ZNF490: variants seen among roughly 807,000 people sequenced by gnomAD.
ZNF490 encodes the protein zinc finger protein 490.
Under a neutral mutation model 17.7 loss-of-function variants are expected in ZNF490, and 11 were observed. The observed-to-expected ratio is 0.62, with a 90% CI of 0.39 to 1.03. ZNF490 has a LOEUF of 1.03. Among genes scored for constraint, ZNF490 ranks in the 50% least tolerant of loss-of-function variants. The pLI, the probability that ZNF490 is intolerant of heterozygous loss-of-function variation, is 0.00. For synonymous variants in ZNF490, 222 were observed against 216.1 expected (o/e 1.03, Z -0.24); for missense variants, 542 against 643.4 (o/e 0.84, Z 1.71).
Position 12,580,894 on chromosome 19 carries a change from T to C in ZNF490, c.1181A>G (p.Gln394Arg), listed in dbSNP as rs2022722056. Residue 394 changes from glutamine to arginine, a missense_variant, in exon 5 of 5, where the codon CAA becomes CGA. Coordinates refer to ENST00000311437, the MANE Select transcript of ZNF490 (RefSeq NM_020714.3). ...HFGEKPYECK[Q>R]CGKAFNSSSY... ...TGAAGAATTGAAGGCTTTACCACAT[T>C]GTTTACATTCATAGGGTTTTTCTCC... 5 of 1,614,190 alleles carry C rather than the reference T, an allele frequency of 3.1e-6. No homozygotes were observed. The highest frequency in any genetic ancestry group is 4.2e-6 in the Non-Finnish European group (5 of 1,180,018).
intron 2 of ZNF490, among the ~76,000 whole-genome samples, chr19:12,596,529 T>C (rs2022936061): frequency 6.6e-6 from 1 of 151,826 alleles, no homozygotes; most frequent in Non-Finnish European, 1.5e-5. Flanking sequence ...AATAAAAATT[T>C]GAAATTAGCC....
chr19:12,599,633 T>C (rs2022977638), intron 2 of ZNF490, among the ~76,000 whole-genome samples: 6 of 152,190 alleles, frequency 3.9e-5, no homozygotes, highest in Admixed American at 3.9e-4. Context: ...AAGTAAAAGT[T>C]GCTAAGAATC....
chr19:12,599,139 C>CAAAAA (rs55911311), intron 2 of ZNF490, among the ~76,000 whole-genome samples: 44 of 68,598 alleles, frequency 6.4e-4, no homozygotes, highest in Middle Eastern at 9.4e-3. Context: ...GACTCTGTCT[C>CAAAAA]AAAAAAAAAA....
Position 12,580,154 on chromosome 19 carries a change from T to C in ZNF490, c.*331A>G. On this transcript the variant is annotated 3_prime_UTR_variant, in exon 5 of 5. Coordinates refer to ENST00000311437, the MANE Select transcript of ZNF490 (RefSeq NM_020714.3). Reference sequence around the variant, plus strand: ...CAAACCCCACAAAAGATGGGATGGATATAGAATTTTCTTTATAGTTTCTCT... The same window carrying C: ...CAAACCCCACAAAAGATGGGATGGACATAGAATTTTCTTTATAGTTTCTCT... 9.5e-7 allele frequency: 1 copy of C among 1,049,906 alleles called. No individual in the cohort carries two copies. The highest frequency in any genetic ancestry group is 1.1e-6 in the Non-Finnish European group (1 of 871,706). The allele number at this position is 1,049,906 out of a possible 1,614,324, so 65.0% of individuals were successfully genotyped here.
intron 3 of ZNF490, among the ~76,000 whole-genome samples, chr19:12,583,126 C>G (rs553187551): frequency 6.6e-6 from 1 of 151,558 alleles, no homozygotes; most frequent in Non-Finnish European, 1.5e-5. Context: ...ACTGCAACCT[C>G]GGCCTCCCGG....
rs140333364 is a variant in ZNF490 at position 12,581,004 on chromosome 19, G to A, written c.1071C>T (p.Thr357=). ...SSLRKHVKTH[T]GVQPYTCKKC... is the part of the protein sequence containing the mutation. ...TCTTACATGTATAAGGTTGAACTCC[G>A]GTGTGGGTTTTCACGTGTTTTCGAA... The change falls in exon 5 of 5, where the codon ACC becomes ACT. Residue 357 remains threonine (T), a synonymous_variant. Transcript: ENST00000311437. The A allele has an allele frequency of 2.0e-5, 33 of 1,614,148 alleles. No individual in the cohort carries two copies. Among genetic ancestry groups the A allele is most frequent in the South Asian group, 9.9e-5 (9 of 91,080 alleles).
chr19:12,595,148 T>TC (rs200599766), intron 2 of ZNF490, among the ~76,000 whole-genome samples: 3 of 149,280 alleles, frequency 2.0e-5, no homozygotes, highest in East Asian at 3.9e-4. Flanking sequence ...TTTCTCTCTC[T>TC]TTTTTTTTTT....
In ZNF490 at chr19:12,584,990, T is replaced by A. The variant is rs1182002797; in HGVS notation, c.163-1434A>T. On this transcript the variant is annotated intron_variant, in intron 2 of 4. Coordinates refer to ENST00000311437, the MANE Select transcript of ZNF490 (RefSeq NM_020714.3). ...CCCTGTACTCATGAAGGTTTATTAC[T>A]CGCATGCTTGAGCTCTCAGGCAAAG... Among the ~76,000 whole-genome samples the A allele has an allele frequency of 2.1e-5, 2 of 94,312 alleles. 1 individual carries two copies. Among genetic ancestry groups the A allele is most frequent in the Non-Finnish European group, 5.7e-5 (2 of 35,084 alleles). 61.9% of individuals were successfully genotyped at this position (94,312 alleles called of 152,430 possible). A position where few individuals can be genotyped will look rare whatever the true frequency, so the allele number is the denominator to read the frequency against.
rs749210086 is a variant in ZNF490, at chr19:12,580,785, G to A, written c.1290C>T (p.Ser430=). 89 of 1,613,964 alleles carry A rather than the reference G, an allele frequency of 5.5e-5. 1 individual carries two copies. The highest frequency in any genetic ancestry group is 7.4e-5 in the Non-Finnish European group (87 of 1,180,044). ...TTCTTTCATGGATTCGAAAGTGAGT[G>A]GAATAAAGAAAGGCTTTACCACATT... The part of the protein sequence containing the change: ...CKECGKAFLY[S]THFRIHERTH... The change falls in exon 5 of 5, where the codon TCC becomes TCT. Residue 430 remains serine (S), a synonymous_variant. Transcript: ENST00000311437.
chr19:12,602,807 G>A (rs1414373509), intron 2 of ZNF490, among the ~76,000 whole-genome samples: 1 of 151,598 alleles, frequency 6.6e-6, no homozygotes, highest in East Asian at 1.9e-4. Context: ...TGTATTTTTA[G>A]TAGAAACAAG....
intron 4 of ZNF490, among the ~76,000 whole-genome samples, chr19:12,582,489 G>A (rs2022750736): frequency 6.6e-6 from 1 of 151,962 alleles, no homozygotes; most frequent in Non-Finnish European, 1.5e-5. Context: ...CCACCTCCCA[G>A]GTTCAAGCGA....
chr19:12,600,232 T>TG (rs2022986047), intron 2 of ZNF490, among the ~76,000 whole-genome samples: 1 of 150,902 alleles, frequency 6.6e-6, no homozygotes, highest in Admixed American at 6.6e-5. Context: ...CCAGGCATGG[T>TG]GGCGGGCACC....
rs2022663479 is a variant in ZNF490 at position 12,577,670 on chromosome 19, G to C, written c.*2815C>G. ...TGCTCCAGTCGGCCTCTGGACCCTA[G>C]TATCTTCACCGTGGTTTTGGATGCT... is the stretch of plus-strand genomic sequence containing the variant. On this transcript the variant is annotated 3_prime_UTR_variant, in exon 5 of 5. Transcript: ENST00000311437. The C allele has an allele frequency of 1.0e-6, 1 of 985,372 alleles. No homozygotes were observed. The highest frequency in any genetic ancestry group is 1.2e-6 in the Non-Finnish European group (1 of 830,010). 61.0% of individuals were successfully genotyped at this position (985,372 alleles called of 1,614,324 possible).
At chr19:12,609,883 T>G in intron 1 of ZNF490, 1 of 451,520 alleles carries the variant, frequency 2.2e-6, no homozygotes, top group Non-Finnish European at 4.4e-6. Context: ...TTGGGTACAA[T>G]ATACACTCTT....
chr19:12,583,669 T>C (rs2022769477), intron 2 of ZNF490, 113 bp from the exon 3 acceptor site: 7 of 1,137,242 alleles, frequency 6.2e-6, no homozygotes, highest in Non-Finnish European at 8.3e-6. Flanking sequence ...GGTTTAGTGG[T>C]ATAACTTGGT....
chr19:12,602,069 G>C (rs2023012504), intron 2 of ZNF490, among the ~76,000 whole-genome samples: 1 of 112,940 alleles, frequency 8.9e-6, no homozygotes, highest in African/African-American at 3.3e-5. Flanking sequence ...TTGAAACTCA[G>C]TTCACTATAT....
intron 2 of ZNF490, among the ~76,000 whole-genome samples, chr19:12,595,580 T>C (rs965087051): frequency 3.3e-5 from 5 of 152,126 alleles, no homozygotes; most frequent in Non-Finnish European, 5.9e-5. Flanking sequence ...TACCTTAATA[T>C]TTATTAATAT....
rs967829267 is a variant in ZNF490, at chr19:12,577,560, C to T, written c.*2925G>A. ...TCCTGGTGAGAGAAGCGAAGGTGTG[C>T]ATCTCCTGGCTCAGCCACCAGGTCC... On this transcript the variant is annotated 3_prime_UTR_variant, in exon 5 of 5. Coordinates refer to ENST00000311437, the MANE Select transcript of ZNF490 (RefSeq NM_020714.3). The T allele has an allele frequency of 1.2e-4, 122 of 985,084 alleles. No individual in the cohort carries two copies. The highest frequency in any genetic ancestry group is 1.2e-4 in the Non-Finnish European group (101 of 829,888). The allele number at this position is 985,084 out of a possible 1,614,324, so 61.0% of individuals were successfully genotyped here.
intron 2 of ZNF490, among the ~76,000 whole-genome samples, chr19:12,596,409 C>A (rs1405908384): frequency 1.3e-5 from 2 of 152,088 alleles, no homozygotes; most frequent in Admixed American, 6.6e-5. Context: ...AAGGGCCAGG[C>A]ATGGTCACGC....
Sources: allele counts gnomAD v4.1 joint callset (sites outside exome capture counted in the v4.1 genomes callset), GRCh38; gene constraint gnomAD v4.1.1; transcripts MANE v1.5; gene names NCBI Gene and HGNC (gene_info 2026-07-23, HGNC 2026-07-21).